The following PRR16 variants were observed in gnomAD, a reference collection of about 807,000 sequenced individuals.
The protein encoded by PRR16 is protein Largen.
In PRR16, 6 loss-of-function variants were observed where a neutral mutation model predicts 18.2. That is an observed-to-expected ratio of 0.33 (90% CI 0.18 to 0.65). The LOEUF (loss-of-function observed/expected upper bound fraction) is 0.65. Among genes scored for constraint, PRR16 ranks in the 30% least tolerant of loss-of-function variants. PRR16 has a pLI of 0.74. For missense variants in PRR16, 412 were observed against 376.6 expected (o/e 1.09, Z -0.78); for synonymous variants, 151 against 147.8 (o/e 1.02, Z -0.16).
At chr5:120,788,247 CTAGAG>C in the PRR16 span, among the ~76,000 whole-genome samples, 1 of 151,862 alleles carries the variant, frequency 6.6e-6, no homozygotes, top group Admixed American at 6.6e-5. Flanking sequence ...TCCATGGACT[CTAGAG>C]TAGTACACAG....
At chr5:120,465,914 T>C (rs1443353540) in intron 1 of PRR16, among the ~76,000 whole-genome samples, 2 of 152,068 alleles carry the variant, frequency 1.3e-5, no homozygotes, top group Non-Finnish European at 2.9e-5. Flanking sequence ...CCAAACCAAA[T>C]TTCAAGAGCC....
At chr5:120,511,297 AC>A (rs1296536951) in intron 1 of PRR16, among the ~76,000 whole-genome samples, 1 of 152,028 alleles carries the variant, frequency 6.6e-6, no homozygotes, top group Non-Finnish European at 1.5e-5. Context: ...GGACCAAAAA[AC>A]CCATATTTTT....
the PRR16 span, among the ~76,000 whole-genome samples, chr5:120,782,023 G>A: frequency 6.6e-6 from 1 of 152,088 alleles, no homozygotes; most frequent in African/African-American, 2.4e-5. Context: ...ATAGTTCAAG[G>A]CATTCTTTCT....
At chr5:120,592,056 C>T (rs181409550) in intron 1 of PRR16, among the ~76,000 whole-genome samples, 123 of 151,412 alleles carry the variant, frequency 8.1e-4, no homozygotes, top group African/African-American at 2.7e-3. Context: ...GCATTTTGGA[C>T]GTCTATCACT....
chr5:120,666,693 C>A (rs1187628356), intron 1 of PRR16, among the ~76,000 whole-genome samples: 1 of 148,330 alleles, frequency 6.7e-6, no homozygotes, highest in Non-Finnish European at 1.5e-5. Context: ...TGTCAAAGGC[C>A]TTTTCTGCAT....
At chr5:120,518,155 A>G (rs1460803316) in intron 1 of PRR16, among the ~76,000 whole-genome samples, 1 of 152,184 alleles carries the variant, frequency 6.6e-6, no homozygotes, top group Non-Finnish European at 1.5e-5. Context: ...AGTGACAGTA[A>G]TACATATCGC....
the PRR16 span, among the ~76,000 whole-genome samples, chr5:120,768,604 C>T: frequency 6.6e-6 from 1 of 151,228 alleles, no homozygotes; most frequent in Admixed American, 6.6e-5. Context: ...TCGTATTCAC[C>T]TGAGGTTTTA....
At chr5:120,693,691 A>C in the PRR16 span, among the ~76,000 whole-genome samples, 1 of 152,184 alleles carries the variant, frequency 6.6e-6, no homozygotes, top group African/African-American at 2.4e-5. Flanking sequence ...TTTGCTTTAA[A>C]TTTTACTGTG....
At chr5:120,465,479 G>A (rs140468714) in intron 1 of PRR16, among the ~76,000 whole-genome samples, 1,756 of 152,296 alleles carry the variant, frequency 0.012, 14 homozygotes, top group South Asian at 0.027. Context: ...TCCCACTTCG[G>A]TTCAGCCCTA....
chr5:120,508,609 C>T (rs561546563), intron 1 of PRR16, among the ~76,000 whole-genome samples: 27 of 152,188 alleles, frequency 1.8e-4, no homozygotes, highest in East Asian at 5.8e-4. Flanking sequence ...ATTAGATTTC[C>T]GTATTTGTAG....
the PRR16 span, among the ~76,000 whole-genome samples, chr5:120,778,996 A>G: frequency 3.9e-5 from 6 of 152,286 alleles, no homozygotes; most frequent in East Asian, 1.2e-3. Flanking sequence ...AAATGTTAGC[A>G]TTTTGATTCT....
intron 1 of PRR16, among the ~76,000 whole-genome samples, chr5:120,602,980 G>A (rs1466075039): frequency 6.6e-6 from 1 of 151,984 alleles, no homozygotes; most frequent in Non-Finnish European, 1.5e-5. Flanking sequence ...ACTTTGTTGA[G>A]GATGTTTGCA....
At chr5:120,570,183 TG>T (rs982128170) in intron 1 of PRR16, among the ~76,000 whole-genome samples, 11 of 152,076 alleles carry the variant, frequency 7.2e-5, no homozygotes, top group Admixed American at 5.2e-4. Context: ...TCCCAAAAGC[TG>T]CAGCAAAGAT....
chr5:120,487,331 G>C (rs1221398002), intron 1 of PRR16, among the ~76,000 whole-genome samples: 1 of 152,078 alleles, frequency 6.6e-6, no homozygotes, highest in Non-Finnish European at 1.5e-5. Context: ...ATTGAGCAGT[G>C]GTTTGTAGTT....
chr5:120,758,086 T>C, the PRR16 span, among the ~76,000 whole-genome samples: 2 of 152,120 alleles, frequency 1.3e-5, no homozygotes, highest in African/African-American at 4.8e-5. Context: ...TTGTTAAAAC[T>C]TTATTAACAT....
chr5:120,492,662 A>G (rs958732507), intron 1 of PRR16, among the ~76,000 whole-genome samples: 4 of 152,100 alleles, frequency 2.6e-5, no homozygotes, highest in African/African-American at 9.7e-5. Context: ...TAGTGCACCC[A>G]TCACCTGAGC....
intron 1 of PRR16, among the ~76,000 whole-genome samples, chr5:120,552,851 G>A (rs749451599): frequency 1.3e-5 from 2 of 151,638 alleles, no homozygotes; most frequent in Non-Finnish European, 2.9e-5. Flanking sequence ...ATTTCCTATT[G>A]ACTTTGAAAG....
the PRR16 span, among the ~76,000 whole-genome samples, chr5:120,705,366 A>G: frequency 1.3e-5 from 2 of 152,066 alleles, no homozygotes; most frequent in Non-Finnish European, 2.9e-5. Context: ...TTTTCTATAT[A>G]TCATGTTGAC....
At chr5:120,737,829 A>C in the PRR16 span, among the ~76,000 whole-genome samples, 1 of 152,108 alleles carries the variant, frequency 6.6e-6, no homozygotes, top group South Asian at 2.1e-4. Context: ...CTTAATTTCT[A>C]AATGATTCAG....
Sources: gnomAD v4.1 joint callset for allele counts (sites outside exome capture counted in the v4.1 genomes callset) on GRCh38, gnomAD v4.1.1 for gene constraint, MANE v1.5 for transcripts, NCBI Gene and HGNC (gene_info 2026-07-23, HGNC 2026-07-21) for gene names.